ZMAT3: variants seen among roughly 807,000 people sequenced by gnomAD.
ZMAT3 encodes zinc finger matrin-type protein 3.
A neutral mutation model predicts 32.3 loss-of-function variants in ZMAT3; 17 were observed. That is an observed-to-expected ratio of 0.53 (90% confidence interval 0.36 to 0.79). The LOEUF (loss-of-function observed/expected upper bound fraction) is 0.79. ZMAT3 is among the 30% of genes least tolerant of loss of function. The probability of loss-of-function intolerance (pLI) is 0.00; values close to 1 mark genes in which losing one functional copy is unlikely to be tolerated. For missense variants in ZMAT3, 329 were observed against 359.7 expected, an observed-to-expected ratio of 0.91 and a Z score of 0.69; for synonymous variants, 120 against 133.1, an observed-to-expected ratio of 0.90 and a Z score of 0.68.
At chr3:179,032,168 G>C (rs1719281908) in intron 2 of ZMAT3, among the ~76,000 whole-genome samples, 1 of 151,348 alleles carries the variant, frequency 6.6e-6, no homozygotes, top group South Asian at 2.1e-4. Context: ...ACGCCTGACT[G>C]GTTTTCGTAT....
At chr3:179,057,121 A>T (rs937150519) in intron 2 of ZMAT3, among the ~76,000 whole-genome samples, 11 of 152,162 alleles carry the variant, frequency 7.2e-5, no homozygotes, top group Non-Finnish European at 1.5e-5. Flanking sequence ...ACTCCAAAAG[A>T]TTGTTAAGGA....
chr3:179,034,427 C>A (rs1053074164), intron 2 of ZMAT3, among the ~76,000 whole-genome samples: 5 of 152,230 alleles, frequency 3.3e-5, no homozygotes, highest in African/African-American at 1.2e-4. Context: ...CATCTATACT[C>A]CTTCTTCCCT....
At position 179,022,628 on chromosome 3, in the gene ZMAT3, A is replaced by G. The variant is rs1718606994; in HGVS notation, c.*2389T>C. ...AGCAACTCTACTTTATAGATTACTGAAAAAATAATAATAATAATAATAATA... is the reference window on the plus strand; with the variant it reads ...AGCAACTCTACTTTATAGATTACTGGAAAAATAATAATAATAATAATAATA... On this transcript the variant is annotated 3_prime_UTR_variant, in exon 6 of 6. Transcript: ENST00000311417. 1 of 57,310 alleles carries G rather than the reference A, an allele frequency of 1.7e-5. No homozygotes were observed. The highest frequency in any genetic ancestry group is 4.0e-5 in the African/African-American group (1 of 25,166). 3.6% of individuals were successfully genotyped at this position (57,310 alleles called of 1,614,324 possible).
At chr3:179,052,736 T>C (rs143424286) in intron 2 of ZMAT3, among the ~76,000 whole-genome samples, 149 of 152,292 alleles carry the variant, frequency 9.8e-4, no homozygotes, top group African/African-American at 3.1e-3. Context: ...TGAAAAAATA[T>C]GCCCATCAAT....
chr3:179,056,335 G>A (rs1720843221), intron 2 of ZMAT3, among the ~76,000 whole-genome samples: 1 of 152,006 alleles, frequency 6.6e-6, no homozygotes, highest in South Asian at 2.1e-4. Context: ...AAAAAAAGGG[G>A]GGGTCCACTA....
chr3:179,068,505 G>C (rs1441136566), intron 1 of ZMAT3, among the ~76,000 whole-genome samples: 1 of 150,156 alleles, frequency 6.7e-6, no homozygotes, highest in South Asian at 2.1e-4. Context: ...GAGCAAGACT[G>C]TGACTCAAAA....
At position 179,071,640 on chromosome 3, in the gene ZMAT3, G is replaced by A. The variant is rs1458684460; in HGVS notation, c.-103C>T. ...GGCAGTCTCCGCGCCGCGTCCGCCC[G>A]GGACGCCCGCGACGCCCGCCCTGCG... On this transcript the variant is annotated 5_prime_UTR_variant, in exon 1 of 6. Coordinates refer to ENST00000311417, the MANE Select transcript of ZMAT3 (RefSeq NM_022470.4). The A allele has an allele frequency of 6.6e-6, 1 of 152,112 alleles. No homozygotes were observed. The highest frequency in any genetic ancestry group is 1.5e-5 in the Non-Finnish European group (1 of 68,082). The allele number at this position is 152,112 out of a possible 1,614,324, so 9.4% of individuals were successfully genotyped here.
rs1718399063 is a variant in ZMAT3, at chr3:179,018,803, A to G, written c.*6214T>C. The G allele has an allele frequency of 6.6e-6, 1 of 152,216 alleles. No homozygotes were observed. Among genetic ancestry groups the G allele is most frequent in the Admixed American group, 6.5e-5 (1 of 15,274 alleles). The allele number at this position is 152,216 out of a possible 1,614,324, so 9.4% of individuals were successfully genotyped here. On this transcript the variant is annotated 3_prime_UTR_variant, in exon 6 of 6. Transcript: ENST00000311417. ...ACAATCATTTTTAATTCTGCTAATT[A>G]TAGCTGGAGGAAGTGTGGATAATTA...
At chr3:179,053,243 T>A (rs948858808) in intron 2 of ZMAT3, among the ~76,000 whole-genome samples, 1 of 150,190 alleles carries the variant, frequency 6.7e-6, no homozygotes. Context: ...ATAAAATATA[T>A]CTACAAAATA....
At chr3:179,069,098 ACC>A (rs1168348826) in intron 1 of ZMAT3, among the ~76,000 whole-genome samples, 3 of 124,008 alleles carry the variant, frequency 2.4e-5, no homozygotes, top group Non-Finnish European at 5.4e-5. Flanking sequence ...CCCCTGTAAA[ACC>A]CAAATTTTTC....
chr3:179,060,520 T>C lies in ZMAT3; in HGVS notation c.270+6963A>G, dbSNP rs542990374. ...TTAGCTGGGCGTGGTGGCAGGCACC[T>C]GTAATCCCAGCTACTCAGGTGGCTG... On this transcript the variant is annotated intron_variant, in intron 2 of 5. Coordinates refer to ENST00000311417, the MANE Select transcript of ZMAT3 (RefSeq NM_022470.4). Among the ~76,000 whole-genome samples, 27 of 152,234 alleles carry C rather than the reference T, an allele frequency of 1.8e-4. No homozygotes were observed. The East Asian group carries it at 4.8e-3, about 27-fold the overall frequency.
rs1236244471 is a variant in ZMAT3 at position 179,024,315 on chromosome 3, T to C, written c.*702A>G. The C allele has an allele frequency of 6.6e-6, 1 of 152,226 alleles. No individual in the cohort carries two copies. The highest frequency in any genetic ancestry group is 1.5e-5 in the Non-Finnish European group (1 of 68,046). The allele number at this position is 152,226 out of a possible 1,614,324, so 9.4% of individuals were successfully genotyped here. A position where few individuals can be genotyped will look rare whatever the true frequency, so the allele number is the denominator to read the frequency against. On this transcript the variant is annotated 3_prime_UTR_variant, in exon 6 of 6. Transcript: ENST00000311417. Reference sequence around the variant, plus strand: ...AAAAAAAATGTCCTGGGAAAGACCCTAACAGTTTCTAATAATGTATCCTAC... The same window carrying C: ...AAAAAAAATGTCCTGGGAAAGACCCCAACAGTTTCTAATAATGTATCCTAC...
intron 5 of ZMAT3, among the ~76,000 whole-genome samples, chr3:179,026,489 C>T (rs963251811): frequency 2.0e-5 from 3 of 146,706 alleles, no homozygotes; most frequent in African/African-American, 7.6e-5. Flanking sequence ...CAGGTTCAAG[C>T]GATTCTCCTG....
At chr3:179,040,600 AC>A (rs1429816605) in intron 2 of ZMAT3, among the ~76,000 whole-genome samples, 1 of 152,146 alleles carries the variant, frequency 6.6e-6, no homozygotes, top group Non-Finnish European at 1.5e-5. Context: ...CATAGAAACA[AC>A]CGGTAACAAC....
At chr3:179,065,799 G>A (rs1375234206) in intron 2 of ZMAT3, among the ~76,000 whole-genome samples, 2 of 152,126 alleles carry the variant, frequency 1.3e-5, no homozygotes, top group Non-Finnish European at 2.9e-5. Flanking sequence ...CCAGCTACTC[G>A]AGAGGGTGAG....
intron 2 of ZMAT3, among the ~76,000 whole-genome samples, chr3:179,044,537 G>C (rs1202044586): frequency 1.3e-5 from 2 of 152,122 alleles, no homozygotes; most frequent in African/African-American, 2.4e-5. Context: ...CCAGCTACTT[G>C]GGAGGCTGAG....
Position 179,040,561 on chromosome 3 carries a change from T to C in ZMAT3, c.271-9562A>G, listed in dbSNP as rs1245210978. On this transcript the variant is annotated intron_variant, in intron 2 of 5. Transcript: ENST00000311417. ...AGATTTTGTCACCACCAGGCCTGCC[T>C]TACAAGAGTTCCTGAAGGAAGCACT... Among the ~76,000 whole-genome samples, 3 of 149,108 alleles carry C rather than the reference T, an allele frequency of 2.0e-5. No homozygotes were observed. The South Asian group carries it at 6.5e-4, about 32-fold the overall frequency.
At chr3:179,048,387 A>G (rs1184022009) in intron 2 of ZMAT3, among the ~76,000 whole-genome samples, 2 of 152,244 alleles carry the variant, frequency 1.3e-5, no homozygotes, top group Non-Finnish European at 2.9e-5. Context: ...AAGATGAAAG[A>G]AAGAATCTTA....
chr3:179,053,978 T>G (rs1385680128), intron 2 of ZMAT3, among the ~76,000 whole-genome samples: 1 of 152,254 alleles, frequency 6.6e-6, no homozygotes, highest in Non-Finnish European at 1.5e-5. Flanking sequence ...TGAATCTGTG[T>G]TAAATTCCTG....
Sources: allele counts gnomAD v4.1 joint callset (sites outside exome capture counted in the v4.1 genomes callset), GRCh38; gene constraint gnomAD v4.1.1; transcripts MANE v1.5; gene names NCBI Gene and HGNC (gene_info 2026-07-23, HGNC 2026-07-21).